Variants in GSTCD observed in about 807,000 individuals in gnomAD.
GSTCD encodes glutathione S-transferase C-terminal domain containing.
GSTCD carries 44 observed loss-of-function variants against 68.3 expected under a neutral mutation model. The observed-to-expected ratio is 0.64, with a 90% CI of 0.51 to 0.83. The LOEUF (loss-of-function observed/expected upper bound fraction) is 0.83, where lower values mean the gene tolerates loss of function less well. Among genes scored for constraint, GSTCD ranks in the 40% least tolerant of loss-of-function variants. The pLI is 0.00. For synonymous variants in GSTCD, 273 were observed against 255.2 expected (o/e 1.07, Z -0.67); for missense variants, 739 against 735.9 (o/e 1.00, Z -0.05).
chr4:105,722,189 CACAG>C (rs1324810476), intron 3 of GSTCD, among the ~76,000 whole-genome samples: 2 of 152,106 alleles, frequency 1.3e-5, no homozygotes, highest in African/African-American at 4.8e-5. Context: ...CACACACACA[CACAG>C]ACATCTTTAT....
intron 5 of GSTCD, among the ~76,000 whole-genome samples, chr4:105,742,523 G>A (rs924245391): frequency 9.9e-5 from 15 of 152,084 alleles, no homozygotes; most frequent in African/African-American, 2.9e-4. Context: ...CATCATCTGC[G>A]GAATGGAGAT....
intron 5 of GSTCD, among the ~76,000 whole-genome samples, chr4:105,736,891 T>A (rs551053442): frequency 6.6e-6 from 1 of 152,324 alleles, no homozygotes; most frequent in East Asian, 1.9e-4. Flanking sequence ...AGCTCATCCA[T>A]GTTGCTGTGA....
At chr4:105,727,690 CAAA>C (rs565298989) in intron 4 of GSTCD, among the ~76,000 whole-genome samples, 4 of 135,364 alleles carry the variant, frequency 3.0e-5, no homozygotes. Flanking sequence ...AACCCTGTTT[CAAA>C]AAAAAAAAAG....
intron 5 of GSTCD, among the ~76,000 whole-genome samples, chr4:105,776,540 T>G (rs1271779342): frequency 6.6e-6 from 1 of 152,160 alleles, no homozygotes; most frequent in Non-Finnish European, 1.5e-5. Context: ...TGTGCTGAAG[T>G]GCACCTTTCC....
rs1001239476 is a variant in GSTCD, at chr4:105,847,116, A to T, written c.*1539A>T. 1 of 152,188 alleles carries T rather than the reference A, an allele frequency of 6.6e-6. No homozygotes were observed. The highest frequency in any genetic ancestry group is 2.4e-5 in the African/African-American group (1 of 41,460). The allele number at this position is 152,188 out of a possible 1,614,324, so 9.4% of individuals were successfully genotyped here. A position where few individuals can be genotyped will look rare whatever the true frequency, so the allele number is the denominator to read the frequency against. On this transcript the variant is annotated 3_prime_UTR_variant, in exon 12 of 12. Transcript: ENST00000515279. ...TTCTTTTTCTGCCAGCCAACATTTT[A>T]AAAGACAAATGATGCATCCTTTCTC...
chr4:105,772,703 A>C (rs990853463), intron 5 of GSTCD, among the ~76,000 whole-genome samples: 1 of 152,228 alleles, frequency 6.6e-6, no homozygotes, highest in Non-Finnish European at 1.5e-5. Flanking sequence ...CCCAGGGATG[A>C]AGCCAATTTG....
intron 5 of GSTCD, among the ~76,000 whole-genome samples, chr4:105,730,429 A>G (rs967394793): frequency 6.6e-5 from 10 of 152,218 alleles, no homozygotes; most frequent in South Asian, 4.1e-4. Context: ...TTTAATGATC[A>G]CCATTCTAAC....
chr4:105,769,231 GCGCACA>G (rs1238873728), intron 5 of GSTCD, among the ~76,000 whole-genome samples: 62 of 60,160 alleles, frequency 1.0e-3, no homozygotes, highest in Middle Eastern at 7.0e-3. Flanking sequence ...CTATACACGC[GCGCACA>G]CACACACACA....
chr4:105,791,249 C>T (rs1337306379), intron 5 of GSTCD, among the ~76,000 whole-genome samples: 1 of 151,620 alleles, frequency 6.6e-6, no homozygotes, highest in African/African-American at 2.4e-5. Context: ...AAAAATTAGC[C>T]GGGCGTGGTG....
chr4:105,728,504 A>C (rs955356884), intron 4 of GSTCD, among the ~76,000 whole-genome samples: 1 of 152,106 alleles, frequency 6.6e-6, no homozygotes, highest in Non-Finnish European at 1.5e-5. Flanking sequence ...TCTAGCCCTA[A>C]TGAAAGATTA....
chr4:105,779,323 G>A (rs544195756), intron 5 of GSTCD, among the ~76,000 whole-genome samples: 7 of 152,278 alleles, frequency 4.6e-5, no homozygotes, highest in East Asian at 1.9e-4. Context: ...TTAGAATCAG[G>A]TGGTGCACTT....
chr4:105,738,818 A>AT (rs1733542239), intron 5 of GSTCD, among the ~76,000 whole-genome samples: 1 of 152,150 alleles, frequency 6.6e-6, no homozygotes, highest in Non-Finnish European at 1.5e-5. Flanking sequence ...GCCAATTTGG[A>AT]TGCCCTTTAT....
intron 5 of GSTCD, among the ~76,000 whole-genome samples, chr4:105,813,029 T>C (rs1191334441): frequency 1.3e-5 from 2 of 152,162 alleles, no homozygotes; most frequent in East Asian, 1.9e-4. Flanking sequence ...TTTTCTGGGG[T>C]GGTAGGTGAG....
intron 5 of GSTCD, among the ~76,000 whole-genome samples, chr4:105,816,959 G>A: frequency 6.6e-6 from 1 of 151,922 alleles, no homozygotes; most frequent in East Asian, 1.9e-4. Context: ...GTTAGATGGT[G>A]TATCAAATAT....
chr4:105,781,345 C>G (rs962046834), intron 5 of GSTCD, among the ~76,000 whole-genome samples: 6 of 151,714 alleles, frequency 4.0e-5, no homozygotes, highest in African/African-American at 1.5e-4. Flanking sequence ...AACTCCTGAG[C>G]TAAAGGGATC....
chr4:105,768,164 A>G (rs1233874311), intron 5 of GSTCD, among the ~76,000 whole-genome samples: 1 of 151,370 alleles, frequency 6.6e-6, no homozygotes, highest in Non-Finnish European at 1.5e-5. Flanking sequence ...AGTAGCTGGG[A>G]CTACAGGCGC....
At chr4:105,801,156 T>G (rs1736091812) in intron 5 of GSTCD, among the ~76,000 whole-genome samples, 2 of 152,308 alleles carry the variant, frequency 1.3e-5, no homozygotes, top group African/African-American at 2.4e-5. Flanking sequence ...ACAAGAAAGA[T>G]AGTCATCTTG....
In GSTCD at chr4:105,717,935, GTATTGAGACACATAA is replaced by G. The variant is rs767598738; in HGVS notation, c.324_338del (p.Leu109_Ile113del). ...TTTTTGTAGAGCAGGACTTGCTGTT[GTATTGAGACACATAA>G]TCCAGAAATCCTATGAAGCAGACCC... On this transcript the variant is annotated inframe_deletion, in exon 2 of 12. Coordinates refer to ENST00000515279, the MANE Select transcript of GSTCD (RefSeq NM_001370181.1). 4 of 1,614,044 alleles carry G rather than the reference GTATTGAGACACATAA, an allele frequency of 2.5e-6. No individual in the cohort carries two copies. The highest frequency in any genetic ancestry group is 3.4e-6 in the Non-Finnish European group (4 of 1,179,948).
intron 5 of GSTCD, among the ~76,000 whole-genome samples, chr4:105,813,490 CATAA>C (rs1433979027): frequency 6.6e-6 from 1 of 152,156 alleles, no homozygotes; most frequent in Non-Finnish European, 1.5e-5. Context: ...ATATGTGAAA[CATAA>C]ATAAATTATG....
Sources: allele counts gnomAD v4.1 joint callset (sites outside exome capture counted in the v4.1 genomes callset), GRCh38; gene constraint gnomAD v4.1.1; transcripts MANE v1.5; gene names NCBI Gene and HGNC (gene_info 2026-07-23, HGNC 2026-07-21).